The following ALPK2 variants were observed in gnomAD, a reference collection of about 807,000 sequenced individuals.
The protein encoded by ALPK2 is alpha kinase 2, also known as alpha-protein kinase 2.
Under a neutral mutation model 163.1 loss-of-function variants are expected in ALPK2, and 127 were observed. The ratio of observed to expected loss-of-function variants is 0.78; its 90% CI spans 0.67 to 0.90. The LOEUF (loss-of-function observed/expected upper bound fraction) is 0.90, where lower values mean the gene tolerates loss of function less well. Among genes scored for constraint, ALPK2 ranks in the 40% least tolerant of loss-of-function variants. ALPK2 has a pLI of 0.00. For synonymous variants in ALPK2, 953 were observed against 959.1 expected, an observed-to-expected ratio of 0.99 and a Z score of 0.12; for missense variants, 2,360 against 2,589.6, an observed-to-expected ratio of 0.91 and a Z score of 1.92.
Position 58,536,895 on chromosome 18 carries a change from T to A in ALPK2, c.3292A>T (p.Asn1098Tyr), listed in dbSNP as rs1462677375. 6.2e-7 allele frequency: 1 copy of A among 1,614,198 alleles called. No homozygotes were observed. The highest frequency in any genetic ancestry group is 1.7e-5 in the Admixed American group (1 of 60,024). The change falls in exon 5 of 13, where the codon AAT becomes TAT. Residue 1098 changes from asparagine (N) to tyrosine (Y), a missense_variant. Coordinates refer to ENST00000361673, the MANE Select transcript of ALPK2 (RefSeq NM_052947.4). ...AGGTTATCAACCTGAAGAGGGGAAT[T>A]ACTGCAGAAACCCTCTCCCTCTGGG... The part of the protein sequence containing the change: ...QLPEGEGFCS[N>Y]SPLQVDNLSG...
intron 3 of ALPK2, among the ~76,000 whole-genome samples, chr18:58,599,398 C>T (rs2052057663): frequency 6.6e-6 from 1 of 152,246 alleles, no homozygotes; most frequent in Non-Finnish European, 1.5e-5. Flanking sequence ...GTCAGGAACA[C>T]AGACACCTTC....
chr18:58,572,798 C>T (rs11152086), intron 4 of ALPK2, among the ~76,000 whole-genome samples: 29,649 of 152,092 alleles, frequency 0.19, 3,264 homozygotes, highest in East Asian at 0.42. Context: ...TATCTTGACT[C>T]TGGTAGTGGA....
chr18:58,492,022 A>G (rs1438668990), intron 12 of ALPK2, among the ~76,000 whole-genome samples: 2 of 152,200 alleles, frequency 1.3e-5, no homozygotes, highest in African/African-American at 2.4e-5. Context: ...GGCCTTCCGT[A>G]TTGACAAACT....
chr18:58,516,471 C>A (rs1487800087), intron 9 of ALPK2, among the ~76,000 whole-genome samples: 1 of 152,082 alleles, frequency 6.6e-6, no homozygotes, highest in Non-Finnish European at 1.5e-5. Flanking sequence ...TCTGGGTATA[C>A]CCCACCCCTC....
At chr18:58,578,750 A>ACGTGCGCGCG in intron 4 of ALPK2, 64 bp downstream of exon 4, 1 of 1,261,160 alleles carries the variant, frequency 7.9e-7, no homozygotes, top group South Asian at 1.4e-5. Context: ...ACACACACAC[A>ACGTGCGCGCG]CACACACACA....
chr18:58,495,622 C>T (rs1054682046), intron 12 of ALPK2, among the ~76,000 whole-genome samples: 1 of 152,212 alleles, frequency 6.6e-6, no homozygotes, highest in Admixed American at 6.5e-5. Flanking sequence ...CTTCAATAAT[C>T]ATGACCATCT....
At chr18:58,528,933 T>C in intron 6 of ALPK2, 158 bp downstream of exon 6, 2 of 887,082 alleles carry the variant, frequency 2.3e-6, no homozygotes, top group Middle Eastern at 3.5e-4. Flanking sequence ...CAGACACTTG[T>C]CTTCCGATAT....
At chr18:58,550,333 C>A (rs111647264) in intron 4 of ALPK2, among the ~76,000 whole-genome samples, 133 of 4,672 alleles carry the variant, frequency 0.028, no homozygotes, top group South Asian at 0.077. Context: ...CCTATCCCTG[C>A]CTTCATCATG....
chr18:58,616,410 C>G (rs982478594), intron 1 of ALPK2, among the ~76,000 whole-genome samples: 2 of 152,202 alleles, frequency 1.3e-5, no homozygotes, highest in African/African-American at 2.4e-5. Flanking sequence ...GCCTCTTACT[C>G]TAGAGGAAAG....
At chr18:58,548,146 G>A (rs1433551423) in intron 4 of ALPK2, among the ~76,000 whole-genome samples, 2 of 152,058 alleles carry the variant, frequency 1.3e-5, no homozygotes, top group Admixed American at 6.6e-5. Context: ...GATGGTATTC[G>A]GCTATTGGAA....
intron 3 of ALPK2, among the ~76,000 whole-genome samples, chr18:58,585,091 G>A (rs908154501): frequency 6.6e-6 from 1 of 152,170 alleles, no homozygotes; most frequent in African/African-American, 2.4e-5. Flanking sequence ...TAAAGAAAAA[G>A]AGGTCCATGT....
chr18:58,505,164 G>GGGGCA (rs2051455377), intron 10 of ALPK2, among the ~76,000 whole-genome samples: 1 of 152,144 alleles, frequency 6.6e-6, no homozygotes, highest in African/African-American at 2.4e-5. Context: ...GAATAGGCCA[G>GGGGCA]GGGCAGGGCA....
intron 1 of ALPK2, among the ~76,000 whole-genome samples, chr18:58,613,714 T>A (rs201077043): frequency 0.036 from 1,930 of 53,410 alleles, 71 homozygotes; most frequent in African/African-American, 0.17. Flanking sequence ...AAAAAAATAA[T>A]AATAATAATA....
intron 9 of ALPK2, among the ~76,000 whole-genome samples, chr18:58,515,502 T>C (rs2051516661): frequency 1.3e-5 from 2 of 152,312 alleles, no homozygotes; most frequent in Non-Finnish European, 1.5e-5. Context: ...CAGCACAGGA[T>C]TTCTGCCTTA....
intron 4 of ALPK2, among the ~76,000 whole-genome samples, chr18:58,557,944 G>A (rs753218235): frequency 3.3e-5 from 5 of 152,148 alleles, no homozygotes; most frequent in African/African-American, 4.8e-5. Flanking sequence ...ACGAGATCCC[G>A]TCTCTAAAAT....
At chr18:58,521,098 C>T (rs975276829) in intron 8 of ALPK2, among the ~76,000 whole-genome samples, 5 of 152,210 alleles carry the variant, frequency 3.3e-5, no homozygotes, top group African/African-American at 4.8e-5. Context: ...CTTCCCCAGC[C>T]GGGTGAGTCA....
intron 1 of ALPK2, among the ~76,000 whole-genome samples, chr18:58,616,352 C>G (rs2052168365): frequency 6.6e-6 from 1 of 152,170 alleles, no homozygotes; most frequent in Non-Finnish European, 1.5e-5. Flanking sequence ...CTGTCCAAGG[C>G]AGGACTCTGT....
chr18:58,585,093 G>A (rs2051978749), intron 3 of ALPK2, among the ~76,000 whole-genome samples: 1 of 152,174 alleles, frequency 6.6e-6, no homozygotes, highest in African/African-American at 2.4e-5. Flanking sequence ...AAGAAAAAGA[G>A]GTCCATGTTA....
chr18:58,536,022 A>G lies in ALPK2; in HGVS notation c.4165T>C (p.Phe1389Leu). The G allele has an allele frequency of 1.6e-6, 2 of 1,241,658 alleles. No homozygotes were observed. Among genetic ancestry groups the G allele is most frequent in the Non-Finnish European group, 2.3e-6 (2 of 883,514 alleles). The allele number at this position is 1,241,658 out of a possible 1,614,324, so 76.9% of individuals were successfully genotyped here. Residue 1389 changes from phenylalanine to leucine, a missense_variant, in exon 5 of 13, where the codon TTT (phenylalanine) becomes CTT (leucine). Coordinates refer to ENST00000361673, the MANE Select transcript of ALPK2 (RefSeq NM_052947.4). ...TTAGGGCAGGTCAGAAACTTTTTAA[A>G]GAAGGCAGTGTGATCCATCTTGAGT... Reference protein sequence around the residue: ...KQLKMDHTAFFKKFLTCPKIL... With the variant: ...KQLKMDHTAFLKKFLTCPKIL...
Sources: gnomAD v4.1 joint callset for allele counts (sites outside exome capture counted in the v4.1 genomes callset) on GRCh38, gnomAD v4.1.1 for gene constraint, MANE v1.5 for transcripts, NCBI Gene and HGNC (gene_info 2026-07-23, HGNC 2026-07-21) for gene names.